The following PPARGC1A variants were observed in gnomAD, a reference collection of about 807,000 sequenced individuals.
The protein encoded by PPARGC1A is peroxisome proliferator-activated receptor gamma coactivator 1-alpha.
PPARGC1A carries 25 observed loss-of-function variants against 88.7 expected under a neutral mutation model. That is an observed-to-expected ratio of 0.28 (90% CI 0.21 to 0.39). PPARGC1A has a LOEUF of 0.39. Among genes scored for constraint, PPARGC1A ranks in the 10% least tolerant of loss-of-function variants. PPARGC1A has a pLI of 1.00. For synonymous variants in PPARGC1A, 363 were observed against 355.6 expected, an observed-to-expected ratio of 1.02 and a Z score of -0.24; for missense variants, 880 against 968.7, an observed-to-expected ratio of 0.91 and a Z score of 1.22.
chr4:24,376,870 G>A, the PPARGC1A span, among the ~76,000 whole-genome samples: 1 of 152,130 alleles, frequency 6.6e-6, no homozygotes, highest in Non-Finnish European at 1.5e-5. Context: ...CAAGGAAAAT[G>A]ACTAAATGTT....
chr4:24,456,211 T>C, the PPARGC1A span, among the ~76,000 whole-genome samples: 1 of 152,186 alleles, frequency 6.6e-6, no homozygotes, highest in Non-Finnish European at 1.5e-5. Flanking sequence ...TATTGAGTCA[T>C]AAAGCTGTAA....
chr4:23,977,534 A>G, the PPARGC1A span, among the ~76,000 whole-genome samples: 1 of 152,206 alleles, frequency 6.6e-6, no homozygotes, highest in Non-Finnish European at 1.5e-5. Flanking sequence ...ATTTGTGTCT[A>G]ATAAATGGAT....
the PPARGC1A span, among the ~76,000 whole-genome samples, chr4:24,408,465 C>T: frequency 2.0e-5 from 3 of 152,214 alleles, no homozygotes; most frequent in South Asian, 6.2e-4. Context: ...GCTGCTTCTC[C>T]CATTGAGGGG....
the PPARGC1A span, among the ~76,000 whole-genome samples, chr4:23,930,277 C>T: frequency 6.6e-6 from 1 of 152,126 alleles, no homozygotes; most frequent in Admixed American, 6.5e-5. Context: ...TAACAGCCCT[C>T]ACATTGTACC....
the PPARGC1A span, among the ~76,000 whole-genome samples, chr4:24,157,821 C>CTTTG: frequency 1.3e-5 from 2 of 152,218 alleles, no homozygotes; most frequent in South Asian, 4.2e-4. Flanking sequence ...GGTCTCCCTG[C>CTTTG]TTTGATTATT....
chr4:24,023,298 C>T, the PPARGC1A span, among the ~76,000 whole-genome samples: 6 of 152,074 alleles, frequency 3.9e-5, no homozygotes, highest in Non-Finnish European at 5.9e-5. Context: ...ACAGGAAAAA[C>T]TCAAACTGGC....
the PPARGC1A span, among the ~76,000 whole-genome samples, chr4:23,982,795 A>C: frequency 6.6e-6 from 1 of 152,212 alleles, no homozygotes; most frequent in Non-Finnish European, 1.5e-5. Flanking sequence ...AGATTCAGTA[A>C]GATAACGTCT....
the PPARGC1A span, among the ~76,000 whole-genome samples, chr4:24,285,521 C>A: frequency 6.6e-6 from 1 of 152,176 alleles, no homozygotes; most frequent in Non-Finnish European, 1.5e-5. Context: ...GTGGTGCTTA[C>A]TATGGCGAGT....
At chr4:24,235,804 C>T in the PPARGC1A span, among the ~76,000 whole-genome samples, 2 of 152,106 alleles carry the variant, frequency 1.3e-5, no homozygotes, top group South Asian at 2.1e-4. Context: ...AAGGTAGACT[C>T]ATCCACAGCT....
the PPARGC1A span, among the ~76,000 whole-genome samples, chr4:24,344,440 T>C: frequency 6.6e-6 from 1 of 152,144 alleles, no homozygotes; most frequent in Non-Finnish European, 1.5e-5. Context: ...GATTATGGCC[T>C]TCTTGTAGGA....
chr4:24,161,978 ACACACAC>A, the PPARGC1A span, among the ~76,000 whole-genome samples: 1 of 142,946 alleles, frequency 7.0e-6, no homozygotes, highest in Non-Finnish European at 1.5e-5. Flanking sequence ...ACACACACAC[ACACACAC>A]ACACACACAC....
chr4:23,918,852 T>G, the PPARGC1A span, among the ~76,000 whole-genome samples: 9 of 152,260 alleles, frequency 5.9e-5, no homozygotes, highest in South Asian at 1.9e-3. Context: ...TGAATAAAGA[T>G]AGGAGCAAGC....
intron 2 of PPARGC1A, among the ~76,000 whole-genome samples, chr4:23,841,513 G>C (rs1445386866): frequency 6.6e-6 from 1 of 151,782 alleles, no homozygotes; most frequent in African/African-American, 2.4e-5. Flanking sequence ...ACTCACGTGT[G>C]TTAACTTTCT....
chr4:23,844,962 T>C (rs978985645), intron 2 of PPARGC1A, among the ~76,000 whole-genome samples: 3 of 149,350 alleles, frequency 2.0e-5, no homozygotes, highest in African/African-American at 7.4e-5. Flanking sequence ...AGAAATGTTC[T>C]AGACAGGGAA....
At chr4:24,073,014 T>C in the PPARGC1A span, among the ~76,000 whole-genome samples, 1 of 151,032 alleles carries the variant, frequency 6.6e-6, no homozygotes, top group Non-Finnish European at 1.5e-5. Context: ...TACACTGTCA[T>C]CCCTTCATTG....
At chr4:24,463,715 G>A in the PPARGC1A span, among the ~76,000 whole-genome samples, 1 of 152,150 alleles carries the variant, frequency 6.6e-6, no homozygotes, top group Non-Finnish European at 1.5e-5. Context: ...TAGAATGGGA[G>A]GCAAGACTTC....
the PPARGC1A span, among the ~76,000 whole-genome samples, chr4:24,239,216 G>T: frequency 6.6e-6 from 1 of 152,124 alleles, no homozygotes; most frequent in Non-Finnish European, 1.5e-5. Context: ...ACCAAGCTAG[G>T]CAGGCACAAG....
chr4:24,295,866 G>A, the PPARGC1A span, among the ~76,000 whole-genome samples: 1 of 151,100 alleles, frequency 6.6e-6, no homozygotes, highest in Non-Finnish European at 1.5e-5. Context: ...CATCAAGAAT[G>A]TCTCAATTTT....
chr4:24,114,955 A>G, the PPARGC1A span, among the ~76,000 whole-genome samples: 3 of 152,214 alleles, frequency 2.0e-5, no homozygotes, highest in African/African-American at 7.2e-5. Context: ...TCATACTTTA[A>G]GAAACCAAAA....
Sources: allele counts gnomAD v4.1 joint callset (sites outside exome capture counted in the v4.1 genomes callset), GRCh38; gene constraint gnomAD v4.1.1; transcripts MANE v1.5; gene names NCBI Gene and HGNC (gene_info 2026-07-23, HGNC 2026-07-21).